The following GRID2 variants were observed in gnomAD, a reference collection of about 807,000 sequenced individuals.
The protein encoded by GRID2 is glutamate receptor ionotropic, delta-2.
Under a neutral mutation model 114.8 loss-of-function variants are expected in GRID2, and 33 were observed. That is an observed-to-expected ratio of 0.29 (90% CI 0.22 to 0.38). The LOEUF (loss-of-function observed/expected upper bound fraction) is 0.38. GRID2 is among the 10% of genes least tolerant of loss of function. GRID2 has a pLI of 1.00. For missense variants in GRID2, 1,184 were observed against 1,257.7 expected, an observed-to-expected ratio of 0.94 and a Z score of 0.89; for synonymous variants, 505 against 449.9, an observed-to-expected ratio of 1.12 and a Z score of -1.55.
intron 2 of GRID2, among the ~76,000 whole-genome samples, chr4:92,906,947 A>G (rs551150129): frequency 2.0e-5 from 3 of 152,194 alleles, no homozygotes; most frequent in Non-Finnish European, 4.4e-5. Flanking sequence ...GAGGCCCCAC[A>G]CCAGACGTAC....
chr4:93,577,509 G>A (rs1736539364), intron 13 of GRID2, among the ~76,000 whole-genome samples: 1 of 152,188 alleles, frequency 6.6e-6, no homozygotes, highest in Non-Finnish European at 1.5e-5. Flanking sequence ...ACATTGTCAT[G>A]CATGTATTAA....
At chr4:93,002,519 A>G (rs1721104250) in intron 2 of GRID2, among the ~76,000 whole-genome samples, 1 of 151,682 alleles carries the variant, frequency 6.6e-6, no homozygotes, top group Non-Finnish European at 1.5e-5. Context: ...TCGGTGTCAT[A>G]CATTCCTGGA....
chr4:93,578,847 C>T (rs938801000), intron 13 of GRID2, among the ~76,000 whole-genome samples: 1 of 152,172 alleles, frequency 6.6e-6, no homozygotes, highest in Non-Finnish European at 1.5e-5. Context: ...CCCGCCTCGG[C>T]CTCCCAGAGT....
intron 1 of GRID2, among the ~76,000 whole-genome samples, chr4:92,525,970 G>A (rs1368230741): frequency 6.6e-6 from 1 of 151,980 alleles, no homozygotes; most frequent in African/African-American, 2.4e-5. Context: ...CACAAAGAAC[G>A]CTCTCTATAT....
intron 14 of GRID2, among the ~76,000 whole-genome samples, chr4:93,670,779 T>TG (rs1166919241): frequency 2.0e-5 from 3 of 152,160 alleles, no homozygotes; most frequent in African/African-American, 7.2e-5. Flanking sequence ...AGATTTATTT[T>TG]AAAAAAGAAC....
intron 11 of GRID2, among the ~76,000 whole-genome samples, chr4:93,462,087 T>C (rs1723797101): frequency 6.6e-6 from 1 of 152,194 alleles, no homozygotes; most frequent in Non-Finnish European, 1.5e-5. Context: ...CATATATGTT[T>C]ATTTAGCAGC....
At chr4:92,812,600 A>G (rs1488797763) in intron 2 of GRID2, among the ~76,000 whole-genome samples, 2 of 152,148 alleles carry the variant, frequency 1.3e-5, no homozygotes, top group African/African-American at 2.4e-5. Flanking sequence ...CTGTTTTAAT[A>G]AAGCAACTTT....
intron 13 of GRID2, among the ~76,000 whole-genome samples, chr4:93,560,375 C>T (rs1157270179): frequency 5.3e-5 from 8 of 151,680 alleles, no homozygotes; most frequent in South Asian, 2.1e-4. Context: ...CTTCAGGGAG[C>T]TTTTACTCGT....
chr4:92,604,018 T>A (rs571044505), intron 2 of GRID2, among the ~76,000 whole-genome samples: 1 of 152,240 alleles, frequency 6.6e-6, no homozygotes, highest in Non-Finnish European at 1.5e-5. Flanking sequence ...GAATGGCAAT[T>A]ATTAAAATGT....
chr4:92,868,746 A>T (rs1046823947), intron 2 of GRID2, among the ~76,000 whole-genome samples: 5 of 151,990 alleles, frequency 3.3e-5, no homozygotes, highest in Non-Finnish European at 5.9e-5. Flanking sequence ...AATGTTTTAC[A>T]ATGAAATCTG....
intron 1 of GRID2, among the ~76,000 whole-genome samples, chr4:92,537,028 T>A (rs1451513419): frequency 6.6e-6 from 1 of 152,208 alleles, no homozygotes; most frequent in Non-Finnish European, 1.5e-5. Flanking sequence ...CTTCTATAAA[T>A]AGGCTTACTT....
At chr4:93,350,582 T>A (rs1218890712) in intron 8 of GRID2, among the ~76,000 whole-genome samples, 2 of 151,896 alleles carry the variant, frequency 1.3e-5, no homozygotes, top group African/African-American at 4.8e-5. Flanking sequence ...GCTATTTTTT[T>A]TAAAAAAAAT....
chr4:93,747,774 A>C (rs902722984), intron 14 of GRID2, among the ~76,000 whole-genome samples: 1 of 152,102 alleles, frequency 6.6e-6, no homozygotes, highest in Non-Finnish European at 1.5e-5. Context: ...TGACAGAAAA[A>C]TCAATGTTGA....
intron 12 of GRID2, among the ~76,000 whole-genome samples, chr4:93,493,566 G>T (rs905527492): frequency 1.3e-5 from 2 of 151,058 alleles, no homozygotes; most frequent in Non-Finnish European, 1.5e-5. Context: ...TTAATCTAGT[G>T]GTGGGTCCTA....
At chr4:92,858,659 G>A (rs988888752) in intron 2 of GRID2, among the ~76,000 whole-genome samples, 2 of 152,132 alleles carry the variant, frequency 1.3e-5, no homozygotes, top group African/African-American at 2.4e-5. Context: ...CCAGGTTCAC[G>A]CTATTCTTCT....
chr4:93,590,616 A>T (rs1390104684), intron 13 of GRID2, among the ~76,000 whole-genome samples: 1 of 152,064 alleles, frequency 6.6e-6, no homozygotes, highest in Non-Finnish European at 1.5e-5. Flanking sequence ...CTTGATGGGG[A>T]TAGCATTGAA....
intron 2 of GRID2, among the ~76,000 whole-genome samples, chr4:92,678,246 A>C (rs1442518184): frequency 6.6e-6 from 1 of 152,082 alleles, no homozygotes; most frequent in South Asian, 2.1e-4. Flanking sequence ...ATTTATCAGC[A>C]TCTCACATAC....
intron 13 of GRID2, among the ~76,000 whole-genome samples, chr4:93,553,500 T>A (rs1733990277): frequency 6.6e-6 from 1 of 152,228 alleles, no homozygotes; most frequent in Non-Finnish European, 1.5e-5. Flanking sequence ...GTGTGTATTC[T>A]GATAAACTTG....
chr4:92,446,193 C>T (rs1457317473), intron 1 of GRID2, among the ~76,000 whole-genome samples: 2 of 152,034 alleles, frequency 1.3e-5, no homozygotes, highest in East Asian at 3.9e-4. Flanking sequence ...GTGATCAGGC[C>T]ACCTCAACTT....
Sources: allele counts gnomAD v4.1 joint callset (sites outside exome capture counted in the v4.1 genomes callset), GRCh38; gene constraint gnomAD v4.1.1; transcripts MANE v1.5; gene names NCBI Gene and HGNC (gene_info 2026-07-23, HGNC 2026-07-21).